The following INPP5A variants were observed in gnomAD, a reference collection of about 807,000 sequenced individuals.
The protein encoded by INPP5A is 43 kDa inositol polyphosphate 5-phophatase.
Under a neutral mutation model 65.2 loss-of-function variants are expected in INPP5A, and 14 were observed. The ratio of observed to expected loss-of-function variants is 0.21; its 90% confidence interval spans 0.14 to 0.34. The LOEUF (loss-of-function observed/expected upper bound fraction) is 0.34, where lower values mean the gene tolerates loss of function less well. Ranked by LOEUF, INPP5A falls within the 10% of genes least tolerant of loss-of-function variation. The pLI is 1.00. For synonymous variants in INPP5A, 207 were observed against 208.3 expected, an observed-to-expected ratio of 0.99 and a Z score of 0.05; for missense variants, 431 against 545.6, an observed-to-expected ratio of 0.79 and a Z score of 2.09.
intron 4 of INPP5A, among the ~76,000 whole-genome samples, chr10:132,688,362 C>T (rs1845177144): frequency 6.6e-6 from 1 of 152,188 alleles, no homozygotes; most frequent in African/African-American, 2.4e-5. Context: ...AGTGACCGGT[C>T]GTCAGGGAGG....
intron 2 of INPP5A, among the ~76,000 whole-genome samples, chr10:132,634,990 T>C (rs1247124135): frequency 1.3e-5 from 2 of 152,234 alleles, no homozygotes; most frequent in Non-Finnish European, 2.9e-5. Flanking sequence ...GCCTTGCAAT[T>C]GGAAAGTCCA....
At chr10:132,542,510 G>T (rs2133241074) in intron 1 of INPP5A, among the ~76,000 whole-genome samples, 1 of 152,268 alleles carries the variant, frequency 6.6e-6, no homozygotes. Context: ...CTCCCACCTT[G>T]AAAACTCTGA....
intron 11 of INPP5A, among the ~76,000 whole-genome samples, chr10:132,758,810 G>A (rs976588799): frequency 1.3e-5 from 2 of 152,240 alleles, no homozygotes; most frequent in Non-Finnish European, 2.9e-5. Context: ...GCTGCCATCT[G>A]TGGATGTGGC....
At chr10:132,614,856 G>A (rs2072008999) in intron 2 of INPP5A, among the ~76,000 whole-genome samples, 1 of 152,256 alleles carries the variant, frequency 6.6e-6, no homozygotes, top group Non-Finnish European at 1.5e-5. Flanking sequence ...CAAGGACACG[G>A]CAAGAAGGTG....
intron 1 of INPP5A, among the ~76,000 whole-genome samples, chr10:132,600,674 C>T (rs1027342990): frequency 1.2e-4 from 18 of 152,200 alleles, no homozygotes; most frequent in African/African-American, 4.1e-4. Context: ...TAAAGACATA[C>T]CTGAGACTGG....
chr10:132,736,771 A>G (rs2786890), intron 9 of INPP5A, among the ~76,000 whole-genome samples: 139,417 of 152,308 alleles, frequency 0.92, 63,955 homozygotes, highest in East Asian at 1. Context: ...TGGGAGGAGG[A>G]GCAGCTGTCA....
chr10:132,652,713 G>A (rs947623849), intron 4 of INPP5A, among the ~76,000 whole-genome samples: 7 of 152,208 alleles, frequency 4.6e-5, no homozygotes, highest in African/African-American at 1.7e-4. Context: ...TATTTTAAAA[G>A]TGAAGGGACG....
In INPP5A at chr10:132,615,390, C is replaced by T. The variant is rs114241239; in HGVS notation, c.117+7434C>T. 7.8e-3 allele frequency among the ~76,000 whole-genome samples: 1,184 copies of T among 152,370 alleles called. 15 individuals carry two copies. Among genetic ancestry groups the T allele is most frequent in the African/African-American group, 0.027 (1,135 of 41,594 alleles). ...ATGGGATGCTGTATGAGGAAGACTT[C>T]TGTGTGGCTTTCACACGTGACTTTT... On this transcript the variant is annotated intron_variant, in intron 2 of 15. Coordinates refer to ENST00000368594, the MANE Select transcript of INPP5A (RefSeq NM_005539.5).
intron 2 of INPP5A, among the ~76,000 whole-genome samples, chr10:132,639,389 G>A (rs559398414): frequency 3.3e-5 from 5 of 151,462 alleles, no homozygotes; most frequent in Middle Eastern, 3.4e-3. Flanking sequence ...TAAGAAATCC[G>A]TGGTAATTTG....
Position 132,637,831 on chromosome 10 carries a change from C to T in INPP5A, c.118-8037C>T, listed in dbSNP as rs2072377187. Among the ~76,000 whole-genome samples, 1 of 152,154 alleles carries T rather than the reference C, an allele frequency of 6.6e-6. No individual in the cohort carries two copies. The highest frequency in any genetic ancestry group is 2.4e-5 in the African/African-American group (1 of 41,424). On this transcript the variant is annotated intron_variant, in intron 2 of 15. Transcript: ENST00000368594. The surrounding 1 kb of genome is among the most constrained non-coding windows in gnomAD (Gnocchi z 4.1). ...TGATTTTATCTGCAATGTGGGCTCCCGTCCTGTTCTGCCTCACGGTCGTTT... is the reference window on the plus strand; with the variant it reads ...TGATTTTATCTGCAATGTGGGCTCCTGTCCTGTTCTGCCTCACGGTCGTTT...
intron 11 of INPP5A, among the ~76,000 whole-genome samples, chr10:132,761,187 G>A (rs749097187): frequency 3.9e-5 from 6 of 152,192 alleles, no homozygotes; most frequent in East Asian, 1.9e-4. Flanking sequence ...TGGGTGGCAC[G>A]GGCCCCTGAG....
chr10:132,763,970 C>G (rs142688535), intron 11 of INPP5A, among the ~76,000 whole-genome samples: 1 of 152,272 alleles, frequency 6.6e-6, no homozygotes, highest in Non-Finnish European at 1.5e-5. Flanking sequence ...ATCCGTCTCC[C>G]GAGGCCTCCG....
At chr10:132,655,724 G>A (rs2072647517) in intron 4 of INPP5A, among the ~76,000 whole-genome samples, 1 of 152,242 alleles carries the variant, frequency 6.6e-6, no homozygotes, top group South Asian at 2.1e-4. Context: ...TGGCCTACCT[G>A]GGAAGCCCAG....
intron 8 of INPP5A, among the ~76,000 whole-genome samples, chr10:132,717,558 C>G (rs963907325): frequency 2.0e-5 from 3 of 151,390 alleles, no homozygotes; most frequent in Admixed American, 6.5e-5. Flanking sequence ...TACCTGGGTT[C>G]TGTCTGAGGG....
intron 11 of INPP5A, among the ~76,000 whole-genome samples, chr10:132,761,471 G>A (rs1846731988): frequency 6.6e-6 from 1 of 152,094 alleles, no homozygotes; most frequent in Non-Finnish European, 1.5e-5. Context: ...TGGTGGGGAG[G>A]AGCCTGGGAA....
At chr10:132,723,115 G>T (rs1035636913) in intron 8 of INPP5A, among the ~76,000 whole-genome samples, 1 of 152,236 alleles carries the variant, frequency 6.6e-6, no homozygotes, top group Non-Finnish European at 1.5e-5. Context: ...CCAGTTTAGG[G>T]TTTCATGATG....
chr10:132,760,792 C>T (rs192113825), intron 11 of INPP5A, among the ~76,000 whole-genome samples: 12 of 152,278 alleles, frequency 7.9e-5, no homozygotes, highest in African/African-American at 1.9e-4. Flanking sequence ...CCTTCCTGGG[C>T]GGTCCTTTGT....
In INPP5A at chr10:132,747,120, G is replaced by A. The variant is rs901658432; in HGVS notation, c.733-2397G>A. ...AATTTCCTGAGCCGCGTCCTGGGAT[G>A]GCTACAATGGCCGTCTGCCTGCCAA... On this transcript the variant is annotated intron_variant, in intron 9 of 15. Transcript: ENST00000368594. Among the ~76,000 whole-genome samples the A allele has an allele frequency of 2.6e-5, 4 of 152,246 alleles. No homozygotes were observed. The South Asian group carries it at 8.3e-4, about 32-fold the overall frequency.
At chr10:132,614,538 C>T (rs1203866578) in intron 2 of INPP5A, among the ~76,000 whole-genome samples, 1 of 152,220 alleles carries the variant, frequency 6.6e-6, no homozygotes, top group Non-Finnish European at 1.5e-5. Flanking sequence ...GCTGTCCTGT[C>T]CACCCGTCCA....
Sources: allele counts gnomAD v4.1 joint callset (sites outside exome capture counted in the v4.1 genomes callset), GRCh38; gene constraint gnomAD v4.1.1; non-coding constraint Gnocchi (gnomAD v3.1); transcripts MANE v1.5; gene names NCBI Gene and HGNC (gene_info 2026-07-23, HGNC 2026-07-21).